AK5: variants seen among roughly 807,000 people sequenced by gnomAD.
The protein encoded by AK5 is adenylate kinase 5.
AK5 carries 27 observed loss-of-function variants against 69.5 expected under a neutral mutation model. The ratio of observed to expected loss-of-function variants is 0.39; its 90% CI spans 0.29 to 0.54. The LOEUF (loss-of-function observed/expected upper bound fraction) is 0.54. Among genes scored for constraint, AK5 ranks in the 20% least tolerant of loss-of-function variants. AK5 has a pLI of 0.71. For synonymous variants in AK5, 260 were observed against 244.4 expected (o/e 1.06, Z -0.60); for missense variants, 531 against 700.4 (o/e 0.76, Z 2.73).
At chr1:77,468,914 G>C (rs1654303534) in intron 8 of AK5, among the ~76,000 whole-genome samples, 1 of 152,198 alleles carries the variant, frequency 6.6e-6, no homozygotes, top group South Asian at 2.1e-4. Context: ...AGCTAGGCTA[G>C]GTCACTCTAG....
intron 13 of AK5, among the ~76,000 whole-genome samples, chr1:77,546,278 G>T (rs1205495841): frequency 6.6e-6 from 1 of 152,094 alleles, no homozygotes; most frequent in Non-Finnish European, 1.5e-5. Flanking sequence ...CTTCACTGAG[G>T]TCCACTTTAA....
intron 13 of AK5, among the ~76,000 whole-genome samples, chr1:77,551,886 G>A (rs4949659): frequency 0.6 from 91,900 of 151,966 alleles, 30,511 homozygotes; most frequent in Non-Finnish European, 0.74. Context: ...CTAGAGCCAG[G>A]CACGGGGGGA....
intron 5 of AK5, chr1:77,313,904 T>A (rs914899551): frequency 1.9e-6 from 1 of 528,714 alleles, no homozygotes; most frequent in East Asian, 5.5e-5. Context: ...AGACACAGCC[T>A]GTAAGAAAGC....
rs534747731 is a variant in AK5 at position 77,552,371 on chromosome 1, C to T, written c.1621-6231C>T. ...ATCGTAATGGTCCCCAATAAAGCCT[C>T]CCTTACCGTGCTTTAACAAGAATCA... is the stretch of plus-strand genomic sequence containing the variant. On this transcript the variant is annotated intron_variant, in intron 13 of 13. Transcript: ENST00000354567. Among the ~76,000 whole-genome samples the T allele has an allele frequency of 1.1e-3, 165 of 152,298 alleles. 1 individual carries two copies. The highest frequency in any genetic ancestry group is 3.8e-3 in the African/African-American group (158 of 41,562).
chr1:77,533,474 A>C (rs1231597677), intron 12 of AK5, among the ~76,000 whole-genome samples: 6 of 136,388 alleles, frequency 4.4e-5, no homozygotes, highest in Non-Finnish European at 7.6e-5. Flanking sequence ...ACATCACTGC[A>C]CTCCAGCCTA....
intron 8 of AK5, among the ~76,000 whole-genome samples, chr1:77,470,826 AATATATATATAT>A (rs71075744): frequency 3.5e-4 from 18 of 51,158 alleles, no homozygotes; most frequent in African/African-American, 9.7e-4. Flanking sequence ...GCACATTTAG[AATATATATATAT>A]ATATATATAT....
chr1:77,346,296 T>G (rs917421648), intron 6 of AK5: 2 of 152,204 alleles, frequency 1.3e-5, no homozygotes, highest in African/African-American at 4.8e-5. Context: ...GTAGGAATAG[T>G]AAAAGTTAAT....
intron 7 of AK5, among the ~76,000 whole-genome samples, chr1:77,412,150 G>A (rs2100571897): frequency 6.6e-6 from 1 of 152,250 alleles, no homozygotes; most frequent in South Asian, 2.1e-4. Flanking sequence ...GGGATGGAGG[G>A]GCTGATTTAA....
At position 77,297,508 on chromosome 1, in the gene AK5, G is replaced by A. The variant is rs763580124; in HGVS notation, c.416-51G>A. On this transcript the variant is annotated intron_variant, in intron 3 of 13. Transcript: ENST00000354567. ...GATGAAGTAGTAGTTGTATAAAAGGGAGGTCCTTATTGTATCAGAAGATCA... is the reference window on the plus strand; with the variant it reads ...GATGAAGTAGTAGTTGTATAAAAGGAAGGTCCTTATTGTATCAGAAGATCA... The A allele has an allele frequency of 3.3e-6, 5 of 1,497,100 alleles. 1 individual carries two copies. The South Asian group carries it at 4.1e-5, about 12-fold the overall frequency. The allele number at this position is 1,497,100 out of a possible 1,614,324, so 92.7% of individuals were successfully genotyped here. A position where few individuals can be genotyped will look rare whatever the true frequency, so the allele number is the denominator to read the frequency against.
intron 5 of AK5, among the ~76,000 whole-genome samples, chr1:77,332,870 C>G (rs1236788141): frequency 6.6e-6 from 1 of 151,924 alleles, no homozygotes; most frequent in Non-Finnish European, 1.5e-5. Context: ...GCTACTTATT[C>G]TATCAGTTGC....
intron 10 of AK5, among the ~76,000 whole-genome samples, chr1:77,495,077 C>T (rs34855794): frequency 0.4 from 61,464 of 151,908 alleles, 13,096 homozygotes; most frequent in East Asian, 0.58. Context: ...CCACCGCACC[C>T]GGCCCCCATA....
At chr1:77,486,186 A>T in intron 9 of AK5, 122 bp from the exon 10 acceptor site, 1 of 640,128 alleles carries the variant, frequency 1.6e-6, no homozygotes, top group Non-Finnish European at 2.8e-6. Context: ...TCACACATTT[A>T]TTCAACTTCA....
At chr1:77,390,144 A>G (rs1002086394) in intron 6 of AK5, among the ~76,000 whole-genome samples, 6 of 152,272 alleles carry the variant, frequency 3.9e-5, no homozygotes, top group Non-Finnish European at 8.8e-5. Context: ...ATAATTAGCC[A>G]TTCAGTAAGA....
intron 8 of AK5, among the ~76,000 whole-genome samples, chr1:77,471,259 T>G (rs1402907256): frequency 6.6e-6 from 1 of 152,096 alleles, no homozygotes; most frequent in Non-Finnish European, 1.5e-5. Flanking sequence ...TCTCACACAC[T>G]TTCTAGCTCT....
intron 8 of AK5, among the ~76,000 whole-genome samples, chr1:77,434,751 G>C (rs1292497557): frequency 6.6e-6 from 1 of 152,148 alleles, no homozygotes. Context: ...CAATATAATT[G>C]CTTCTTACTG....
At chr1:77,517,631 A>T (rs1304418345) in intron 10 of AK5, among the ~76,000 whole-genome samples, 2 of 152,248 alleles carry the variant, frequency 1.3e-5, no homozygotes, top group Admixed American at 6.5e-5. Flanking sequence ...ATTTTCAGAC[A>T]TAAAATCCTA....
chr1:77,536,622 A>T (rs561351322), intron 13 of AK5, among the ~76,000 whole-genome samples: 1 of 152,314 alleles, frequency 6.6e-6, no homozygotes, highest in South Asian at 2.1e-4. Flanking sequence ...CCCAAAAAAG[A>T]GAGAGAGGGA....
intron 5 of AK5, among the ~76,000 whole-genome samples, chr1:77,317,305 C>T (rs1454903365): frequency 1.3e-5 from 2 of 152,122 alleles, no homozygotes; most frequent in East Asian, 1.9e-4. Flanking sequence ...GAAGGAAGCC[C>T]TATCACCTTT....
At chr1:77,315,479 A>T (rs747799709) in intron 5 of AK5, among the ~76,000 whole-genome samples, 1 of 152,138 alleles carries the variant, frequency 6.6e-6, no homozygotes, top group Non-Finnish European at 1.5e-5. Context: ...TATCTCACTA[A>T]CATTTTAAGC....
Sources: allele counts gnomAD v4.1 joint callset (sites outside exome capture counted in the v4.1 genomes callset), GRCh38; gene constraint gnomAD v4.1.1; transcripts MANE v1.5; gene names NCBI Gene and HGNC (gene_info 2026-07-23, HGNC 2026-07-21).